Variants in CKAP5 observed in about 807,000 individuals in gnomAD.
The protein encoded by CKAP5 is cytoskeleton-associated protein 5.
Under a neutral mutation model 232.8 loss-of-function variants are expected in CKAP5, and 27 were observed. That is an observed-to-expected ratio of 0.12 (90% CI 0.09 to 0.16). CKAP5 has a LOEUF of 0.16. CKAP5 is among the 10% of genes least tolerant of loss of function. The pLI is 1.00. For synonymous variants in CKAP5, 785 were observed against 841.1 expected (o/e 0.93, Z 1.16); for missense variants, 1,838 against 2,424.7 (o/e 0.76, Z 5.08).
At chr11:46,814,061 G>A (rs1430144767) in intron 4 of CKAP5, among the ~76,000 whole-genome samples, 1 of 149,768 alleles carries the variant, frequency 6.7e-6, no homozygotes, top group Non-Finnish European at 1.5e-5. Context: ...TGAACCCAGG[G>A]GCGGAGGTTG....
intron 5 of CKAP5, 124 bp downstream of exon 5, chr11:46,810,883 A>G (rs1159062043): frequency 3.4e-6 from 3 of 889,906 alleles, no homozygotes; most frequent in Non-Finnish European, 4.9e-6. Flanking sequence ...ATGCTCAGAA[A>G]AGCTGATTTC....
Position 46,821,186 on chromosome 11 carries a change from A to G in CKAP5, c.46T>C (p.Cys16Arg). Residue 16 changes from cysteine (C) to arginine (R), a missense_variant, in exon 2 of 44, where the codon TGT (cysteine) becomes CGT (arginine). By Grantham distance (180) the Cys-to-Arg change is radical. This residue lies in a region of CKAP5 where 285 missense variants were observed against 300.0 expected (regional missense o/e 0.95). Coordinates refer to ENST00000529230, the MANE Select transcript of CKAP5 (RefSeq NM_001008938.4). ...EWLKLPVDQK[C>R]EHKLWKARLS... The stretch of plus-strand genomic sequence containing the variant: ...CAGAAGAATCTTACCTTGTGTTCAC[A>G]TTTCTGATCAACTGGCAGTTTCAAC... The G allele has an allele frequency of 1.2e-6, 2 of 1,612,846 alleles. No homozygotes were observed. The highest frequency in any genetic ancestry group is 1.7e-6 in the Non-Finnish European group (2 of 1,178,994).
chr11:46,840,511 A>G (rs1265209144), intron 1 of CKAP5, among the ~76,000 whole-genome samples: 1 of 152,220 alleles, frequency 6.6e-6, no homozygotes, highest in African/African-American at 2.4e-5. Context: ...ATCCTAAGGC[A>G]CTGTTAAAGT....
chr11:46,811,961 A>G (rs2134675230), intron 4 of CKAP5, among the ~76,000 whole-genome samples: 1 of 152,308 alleles, frequency 6.6e-6, no homozygotes, highest in Admixed American at 6.5e-5. Context: ...TGGCTATCAC[A>G]CTATAACTCT....
At chr11:46,842,296 A>C (rs1314733888) in intron 1 of CKAP5, among the ~76,000 whole-genome samples, 1 of 152,224 alleles carries the variant, frequency 6.6e-6, no homozygotes, top group Non-Finnish European at 1.5e-5. Context: ...CACTTTGTAC[A>C]TTAGTATCAT....
At position 46,743,810 on chromosome 11, in the gene CKAP5, C is replaced by T. The variant is rs891346313; in HGVS notation, c.*213G>A. 1.2e-5 allele frequency: 7 copies of T among 598,946 alleles called. No individual in the cohort carries two copies. The highest frequency in any genetic ancestry group is 1.7e-5 in the Non-Finnish European group (6 of 343,370). The allele number at this position is 598,946 out of a possible 1,614,324, so 37.1% of individuals were successfully genotyped here. On this transcript the variant is annotated 3_prime_UTR_variant, in exon 44 of 44. Coordinates refer to ENST00000529230, the MANE Select transcript of CKAP5 (RefSeq NM_001008938.4). Reference sequence around the variant, plus strand: ...TGTTTACAAGTCTGTACACTAAACTCATCCACGGACAGTCTTCTAGAGCAG... The same window carrying T: ...TGTTTACAAGTCTGTACACTAAACTTATCCACGGACAGTCTTCTAGAGCAG...
chr11:46,745,205 C>G (rs2065013559), intron 42 of CKAP5, among the ~76,000 whole-genome samples: 1 of 152,154 alleles, frequency 6.6e-6, no homozygotes, highest in African/African-American at 2.4e-5. Context: ...CAATGCGGGC[C>G]TTTAAAATAT....
chr11:46,841,256 C>G (rs1428162434), intron 1 of CKAP5, among the ~76,000 whole-genome samples: 1 of 145,816 alleles, frequency 6.9e-6, no homozygotes, highest in African/African-American at 2.6e-5. Context: ...GGCAACAGAG[C>G]AATTCTGTCT....
intron 16 of CKAP5, 71 bp downstream of exon 16, chr11:46,788,610 G>T: frequency 1.1e-6 from 1 of 898,068 alleles, no homozygotes; most frequent in Non-Finnish European, 1.8e-6. Flanking sequence ...CTATTCTGCT[G>T]TATTACTCCA....
Position 46,811,755 on chromosome 11 carries a change from C to T in CKAP5, c.459-577G>A, listed in dbSNP as rs144854053. ...GCCTCCTAAAGTGCTGGATTACAGG[C>T]GTGAGCCACCACACCCAGCCTAATA... On this transcript the variant is annotated intron_variant, in intron 4 of 43. Transcript: ENST00000529230. Among the ~76,000 whole-genome samples the T allele has an allele frequency of 8.3e-3, 1,266 of 152,186 alleles. 17 individuals are homozygous for T. Among genetic ancestry groups the T allele is most frequent in the African/African-American group, 0.029 (1,203 of 41,506 alleles).
chr11:46,815,518 A>G (rs907416770), intron 4 of CKAP5, among the ~76,000 whole-genome samples: 4 of 151,770 alleles, frequency 2.6e-5, no homozygotes, highest in Admixed American at 2.0e-4. Context: ...GCTGGTCTTA[A>G]ACTCCTGGCC....
At chr11:46,783,042 C>G (rs2065357016) in intron 18 of CKAP5, 1 of 278,456 alleles carries the variant, frequency 3.6e-6, no homozygotes, top group Non-Finnish European at 6.6e-6. Flanking sequence ...TGTGGGACAG[C>G]TATTAATGCT....
intron 12 of CKAP5, 146 bp downstream of exon 12, chr11:46,796,664 ATT>A: frequency 1.2e-6 from 1 of 820,336 alleles, no homozygotes. Context: ...TCAATTATGC[ATT>A]TCTTTCCTAC....
chr11:46,814,501 T>C (rs1939354496), intron 4 of CKAP5, among the ~76,000 whole-genome samples: 3 of 152,232 alleles, frequency 2.0e-5, no homozygotes, highest in South Asian at 4.1e-4. Flanking sequence ...TTCTCCAAGA[T>C]GTAGGTCATA....
At chr11:46,811,758 G>A (rs1484892506) in intron 4 of CKAP5, among the ~76,000 whole-genome samples, 2 of 152,090 alleles carry the variant, frequency 1.3e-5, no homozygotes, top group Admixed American at 1.3e-4. Flanking sequence ...TTACAGGCGT[G>A]AGCCACCACA....
At chr11:46,795,334 A>T (rs1483824481) in intron 13 of CKAP5, among the ~76,000 whole-genome samples, 21 of 152,036 alleles carry the variant, frequency 1.4e-4, no homozygotes, top group Non-Finnish European at 1.3e-4. Flanking sequence ...TCTCAAAAAA[A>T]AAAAAAGTTA....
chr11:46,745,563 C>T (rs2065016307), intron 42 of CKAP5, among the ~76,000 whole-genome samples: 4 of 152,182 alleles, frequency 2.6e-5, no homozygotes, highest in Admixed American at 2.6e-4. Flanking sequence ...CCTGATCAAA[C>T]CATGGTATGT....
chr11:46,803,953 A>G (rs1185961740), intron 8 of CKAP5, among the ~76,000 whole-genome samples: 1 of 152,216 alleles, frequency 6.6e-6, no homozygotes, highest in African/African-American at 2.4e-5. Context: ...AATGGACATC[A>G]AAAACATGTA....
In CKAP5 at chr11:46,798,124, C is replaced by T. The variant is rs2134651268; in HGVS notation, c.1132G>A (p.Val378Ile). ...TCAATTGCCTCCTGCAGGGCTTGTA[C>T]CACTTGAGGTTTCTTCTCTTTGAAT... Reference protein sequence around the residue: ...EKFKEKKPQVVQALQEAIDAI... With the variant: ...EKFKEKKPQVIQALQEAIDAI... The change falls in exon 10 of 44, where the codon GTA (valine) becomes ATA (isoleucine). Residue 378 changes from valine (V) to isoleucine (I), a missense_variant. Coordinates refer to ENST00000529230, the MANE Select transcript of CKAP5 (RefSeq NM_001008938.4). The T allele has an allele frequency of 3.7e-6, 6 of 1,614,104 alleles. No homozygotes were observed. The Middle Eastern group carries it at 4.9e-4, about 133-fold the overall frequency.
Sources: gnomAD v4.1 joint callset for allele counts (sites outside exome capture counted in the v4.1 genomes callset) on GRCh38, gnomAD v4.1.1 for gene constraint, gnomAD v4.1.1 regional missense constraint, MANE v1.5 for transcripts, NCBI Gene and HGNC (gene_info 2026-07-23, HGNC 2026-07-21) for gene names.